KLHL5: variants seen among roughly 807,000 people sequenced by gnomAD.
KLHL5 encodes the protein kelch like family member 5, also known as kelch-like protein 5.
KLHL5 carries 48 observed loss-of-function variants against 77.7 expected under a neutral mutation model. The observed-to-expected ratio is 0.62, with a 90% confidence interval of 0.49 to 0.79. The LOEUF (loss-of-function observed/expected upper bound fraction) is 0.79, where lower values mean the gene tolerates loss of function less well. Among genes scored for constraint, KLHL5 ranks in the 30% least tolerant of loss-of-function variants. KLHL5 has a pLI of 0.00. For synonymous variants in KLHL5, 260 were observed against 297.0 expected (o/e 0.88, Z 1.28); for missense variants, 723 against 859.7 (o/e 0.84, Z 1.99).
chr4:39,089,446 T>C (rs1720323694), intron 5 of KLHL5, among the ~76,000 whole-genome samples: 1 of 152,160 alleles, frequency 6.6e-6, no homozygotes, highest in African/African-American at 2.4e-5. Context: ...TTAGACTTTT[T>C]TGAAAACTAC....
chr4:39,085,966 C>T (rs2109403010), intron 4 of KLHL5, among the ~76,000 whole-genome samples: 2 of 152,220 alleles, frequency 1.3e-5, no homozygotes, highest in Admixed American at 1.3e-4. Context: ...TGTCGTATAA[C>T]TCTAAGAACA....
At position 39,113,095 on chromosome 4, in the gene KLHL5, G is replaced by A. The variant is rs1722574732; in HGVS notation, c.1764G>A (p.Lys588=). Residue 588 remains lysine, a synonymous_variant, in exon 9 of 11, where the codon AAG becomes AAA. Coordinates refer to ENST00000504108, the MANE Select transcript of KLHL5 (RefSeq NM_015990.5). ...AATGTTTTGATCCTCATACTAATAAGTGGACACTGTGTGCACAGATGTCAA... is the reference window on the plus strand; with the variant it reads ...AATGTTTTGATCCTCATACTAATAAATGGACACTGTGTGCACAGATGTCAA... ...SVECFDPHTN[K]WTLCAQMSKR... 8.1e-6 allele frequency: 13 copies of A among 1,613,998 alleles called. No homozygotes were observed. Among genetic ancestry groups the A allele is most frequent in the Middle Eastern group, 3.3e-4 (2 of 6,050 alleles).
Position 39,121,189 on chromosome 4 carries a change from A to C in KLHL5, c.*123A>C. The C allele has an allele frequency of 1.3e-6, 1 of 745,946 alleles. No homozygotes were observed. The highest frequency in any genetic ancestry group is 2.3e-6 in the Non-Finnish European group (1 of 436,110). The allele number at this position is 745,946 out of a possible 1,614,324, so 46.2% of individuals were successfully genotyped here. On this transcript the variant is annotated 3_prime_UTR_variant, in exon 11 of 11. Transcript: ENST00000504108. Reference sequence around the variant, plus strand: ...CACAATCCTGGGCACAAAGTGCCTGATGTCAAAATGAAGATAGTAAAACAA... The same window carrying C: ...CACAATCCTGGGCACAAAGTGCCTGCTGTCAAAATGAAGATAGTAAAACAA...
At position 39,115,187 on chromosome 4, in the gene KLHL5, G is replaced by A; in HGVS notation, c.1930G>A (p.Ala644Thr). ...TGATCCCAAAACAGACATGTGGACT[G>A]CAGTAGCATCCATGAGCATCAGCAG... is the stretch of plus-strand genomic sequence containing the variant. The part of the protein sequence containing the change: ...RYDPKTDMWT[A>T]VASMSISRDA... The change falls in exon 10 of 11, where the codon GCA becomes ACA. Residue 644 changes from alanine (A) to threonine (T), a missense_variant. Physicochemically the swap from Ala to Thr is moderately conservative, Grantham distance 58. This residue lies in a region of KLHL5 where 214 missense variants were observed against 237.4 expected (regional missense o/e 0.90). Transcript: ENST00000504108. 6.2e-7 allele frequency: 1 copy of A among 1,613,316 alleles called. No homozygotes were observed. Among genetic ancestry groups the A allele is most frequent in the Non-Finnish European group, 8.5e-7 (1 of 1,179,788 alleles).
intron 1 of KLHL5, among the ~76,000 whole-genome samples, chr4:39,065,903 C>G (rs1717858085): frequency 6.6e-6 from 1 of 152,126 alleles, no homozygotes; most frequent in South Asian, 2.1e-4. Context: ...GCTAAGTGGT[C>G]TTACATACTC....
At chr4:39,139,152 G>A in the KLHL5 span, among the ~76,000 whole-genome samples, 4 of 151,910 alleles carry the variant, frequency 2.6e-5, no homozygotes, top group Non-Finnish European at 5.9e-5. Context: ...CATGTTGGCA[G>A]ACGCCTGTAA....
At chr4:39,057,524 G>T (rs2109271005), upstream of KLHL5, among the ~76,000 whole-genome samples, 1 of 152,176 alleles carries the variant, frequency 6.6e-6, no homozygotes, top group South Asian at 2.1e-4. Flanking sequence ...AAGTGTTAGG[G>T]AATTTACATG....
chr4:39,070,646 C>T (rs1718387394), intron 1 of KLHL5, among the ~76,000 whole-genome samples: 2 of 151,994 alleles, frequency 1.3e-5, no homozygotes, highest in African/African-American at 4.8e-5. Context: ...TTTGCCCTTC[C>T]CCTTCATACT....
intron 6 of KLHL5, among the ~76,000 whole-genome samples, chr4:39,098,054 T>A (rs1163088296): frequency 6.7e-6 from 1 of 148,904 alleles, no homozygotes; most frequent in Non-Finnish European, 1.5e-5. Context: ...GAGGATCACC[T>A]GAGGCCAGGA....
chr4:39,112,825 A>G (rs767872360), intron 8 of KLHL5, 195 bp from the exon 9 acceptor site: 3 of 557,134 alleles, frequency 5.4e-6, no homozygotes, highest in East Asian at 6.1e-5. Flanking sequence ...CTTTTCATGT[A>G]TATACAGAGT....
the KLHL5 span, among the ~76,000 whole-genome samples, chr4:39,139,295 A>G: frequency 2.0e-5 from 3 of 151,978 alleles, no homozygotes; most frequent in Admixed American, 1.3e-4. Context: ...AAAAAAAAAA[A>G]AAAAGAAAAG....
At chr4:39,111,307 G>A (rs1215408062) in intron 8 of KLHL5, among the ~76,000 whole-genome samples, 1 of 152,224 alleles carries the variant, frequency 6.6e-6, no homozygotes, top group East Asian at 1.9e-4. Context: ...TATAGATGAT[G>A]AAATTCAGTT....
chr4:39,061,772 G>C (rs973974679), upstream of KLHL5, among the ~76,000 whole-genome samples: 1 of 152,258 alleles, frequency 6.6e-6, no homozygotes, highest in Non-Finnish European at 1.5e-5. Context: ...ACTGGCAGTG[G>C]CCCATTTCTA....
intron 5 of KLHL5, among the ~76,000 whole-genome samples, chr4:39,090,349 C>T (rs1308055885): frequency 1.3e-5 from 2 of 151,818 alleles, no homozygotes; most frequent in East Asian, 3.9e-4. Context: ...AACTTACATA[C>T]AGTAATTTTA....
At chr4:39,048,007 T>C (rs1287219565) in intron 1 of KLHL5, among the ~76,000 whole-genome samples, 1 of 152,224 alleles carries the variant, frequency 6.6e-6, no homozygotes, top group Non-Finnish European at 1.5e-5. Context: ...AGCACATAAA[T>C]TCATTTATGG....
At chr4:39,094,638 A>G (rs999870076) in intron 5 of KLHL5, among the ~76,000 whole-genome samples, 2 of 151,960 alleles carry the variant, frequency 1.3e-5, no homozygotes, top group Non-Finnish European at 2.9e-5. Flanking sequence ...CTATTTAGAA[A>G]TAGGAATAGA....
rs533295044 is a variant in KLHL5 at position 39,081,875 on chromosome 4, T to C, written c.704-88T>C. On this transcript the variant is annotated intron_variant, in intron 3 of 10. Transcript: ENST00000504108. This position sits in a 1 kb window ranked among gnomAD's most constrained non-coding sequence, Gnocchi z 4.3. ...CTGTAATGCATGTAATGAGCTCTTA[T>C]ATGGAACCACTACTGTTAACATCAA... The C allele has an allele frequency of 1.2e-5, 11 of 953,182 alleles. No homozygotes were observed. In the Admixed American group the frequency reaches 1.2e-4, roughly 11 times the overall value. The allele number at this position is 953,182 out of a possible 1,614,324, so 59.0% of individuals were successfully genotyped here.
chr4:39,083,789 C>T (rs1328669034), intron 4 of KLHL5, among the ~76,000 whole-genome samples: 2 of 152,100 alleles, frequency 1.3e-5, no homozygotes, highest in East Asian at 3.9e-4. Context: ...TTAGGTCACT[C>T]CTGTTGTTTA....
chr4:39,062,376 G>C lies in KLHL5; in HGVS notation c.-277G>C, dbSNP rs924563911. The C allele has an allele frequency of 6.9e-6, 10 of 1,442,480 alleles. No individual in the cohort carries two copies. The Admixed American group carries it at 8.5e-5, about 12-fold the overall frequency. 89.4% of individuals were successfully genotyped at this position (1,442,480 alleles called of 1,614,324 possible). ...AGTATGGGAAAGGAGAGCCGGGAAA[G>C]TGGTCTAGCTGCTTCAGGATAGGTG... On this transcript the variant is annotated 5_prime_UTR_variant, in exon 1 of 11. Transcript: ENST00000504108.
Sources: gnomAD v4.1 joint callset for allele counts (sites outside exome capture counted in the v4.1 genomes callset) on GRCh38, gnomAD v4.1.1 for gene constraint, gnomAD v4.1.1 regional missense constraint, Gnocchi (gnomAD v3.1) non-coding constraint, MANE v1.5 for transcripts, NCBI Gene and HGNC (gene_info 2026-07-23, HGNC 2026-07-21) for gene names.